Variants in RAD51B observed in about 807,000 individuals in gnomAD.
The protein encoded by RAD51B is RAD51 paralog B.
RAD51B carries 38 observed loss-of-function variants against 42.2 expected under a neutral mutation model. The observed-to-expected ratio is 0.90, with a 90% CI of 0.70 to 1.18. The LOEUF is 1.18. RAD51B is among the 50% of genes most tolerant of loss of function. The pLI is 0.00. For missense variants in RAD51B, 373 were observed against 400.7 expected, an observed-to-expected ratio of 0.93 and a Z score of 0.59; for synonymous variants, 154 against 145.2, an observed-to-expected ratio of 1.06 and a Z score of -0.43.
intron 10 of RAD51B, among the ~76,000 whole-genome samples, chr14:68,519,509 C>G (rs1886421010): frequency 6.6e-6 from 1 of 152,206 alleles, no homozygotes; most frequent in Admixed American, 6.5e-5. Context: ...GAATGGACAG[C>G]TGTTTTCTCT....
chr14:67,873,164 G>T (rs1408097684), intron 5 of RAD51B, among the ~76,000 whole-genome samples: 1 of 152,116 alleles, frequency 6.6e-6, no homozygotes, highest in African/African-American at 2.4e-5. Flanking sequence ...CCTAAAAAAT[G>T]GGAGAAAATT....
intron 8 of RAD51B, among the ~76,000 whole-genome samples, chr14:68,296,220 T>A (rs1461126999): frequency 3.3e-5 from 5 of 152,328 alleles, no homozygotes; most frequent in East Asian, 1.9e-4. Context: ...TGGAAAAGAC[T>A]GTAGCAATCT....
In RAD51B at chr14:67,860,873, G is replaced by T. The variant is rs572596345; in HGVS notation, c.316-4130G>T. Among the ~76,000 whole-genome samples, 18 of 152,262 alleles carry T rather than the reference G, an allele frequency of 1.2e-4. 1 individual carries two copies. In the South Asian group the frequency reaches 3.7e-3, roughly 32 times the overall value. Reference sequence around the variant, plus strand: ...TATGCAAAGAGAGTATTTCAGTATGGTATTAATGTTGTTAATTTTTCTTAA... The same window carrying T: ...TATGCAAAGAGAGTATTTCAGTATGTTATTAATGTTGTTAATTTTTCTTAA... On this transcript the variant is annotated intron_variant, in intron 4 of 10. Transcript: ENST00000471583.
At chr14:67,997,094 A>G (rs2075398029) in intron 7 of RAD51B, among the ~76,000 whole-genome samples, 1 of 152,178 alleles carries the variant, frequency 6.6e-6, no homozygotes, top group Non-Finnish European at 1.5e-5. Flanking sequence ...TAACTTTGAG[A>G]TGTATGTTAG....
chr14:68,473,502 C>T (rs1379442952), intron 10 of RAD51B, among the ~76,000 whole-genome samples: 1 of 152,182 alleles, frequency 6.6e-6, no homozygotes, highest in Non-Finnish European at 1.5e-5. Context: ...CATCCCCTCC[C>T]TCCATGACAT....
intron 8 of RAD51B, among the ~76,000 whole-genome samples, chr14:68,348,548 C>T (rs1451535154): frequency 6.6e-6 from 1 of 152,240 alleles, no homozygotes; most frequent in African/African-American, 2.4e-5. Flanking sequence ...CACTTGGGAG[C>T]TCATAGGCAT....
chr14:68,370,894 G>A (rs755019892), intron 8 of RAD51B, among the ~76,000 whole-genome samples: 15 of 151,388 alleles, frequency 9.9e-5, no homozygotes, highest in Non-Finnish European at 1.9e-4. Flanking sequence ...AAAATTAGCC[G>A]GACGTGGTGG....
chr14:68,071,135 C>T (rs962079845), intron 7 of RAD51B, among the ~76,000 whole-genome samples: 11 of 151,636 alleles, frequency 7.3e-5, no homozygotes, highest in African/African-American at 2.4e-4. Flanking sequence ...GAAACTTTGC[C>T]GAAGTTATTT....
At chr14:68,036,625 TG>T (rs2076127078) in intron 7 of RAD51B, among the ~76,000 whole-genome samples, 1 of 152,160 alleles carries the variant, frequency 6.6e-6, no homozygotes, top group Non-Finnish European at 1.5e-5. Flanking sequence ...ATTGAGAATT[TG>T]GGGGAAATTA....
At position 68,619,478 on chromosome 14, in the gene RAD51B, A is replaced by G. The variant is rs539519227; in HGVS notation, c.1037-31303A>G. 4.6e-5 allele frequency among the ~76,000 whole-genome samples: 7 copies of G among 152,226 alleles called. No individual in the cohort carries two copies. The South Asian group carries it at 1.5e-3, about 32-fold the overall frequency. On this transcript the variant is annotated intron_variant, in intron 10 of 11. Transcript: ENST00000488612. ...CTCCATCTCAAAAAAAAAAAGAAAA[A>G]AAAAAGTTAAAAGATAGAGATTTTA... is the stretch of plus-strand genomic sequence containing the variant.
chr14:68,093,444 C>T (rs1286467591), intron 7 of RAD51B, among the ~76,000 whole-genome samples: 2 of 152,086 alleles, frequency 1.3e-5, no homozygotes, highest in African/African-American at 4.8e-5. Context: ...TGTATGTGTC[C>T]AGGAATTTAT....
At chr14:68,144,648 C>T (rs2078212792) in intron 7 of RAD51B, among the ~76,000 whole-genome samples, 1 of 152,100 alleles carries the variant, frequency 6.6e-6, no homozygotes, top group African/African-American at 2.4e-5. Context: ...CAGTGCCAAC[C>T]CACATTTCTG....
intron 7 of RAD51B, among the ~76,000 whole-genome samples, chr14:68,057,084 C>T (rs1595336246): frequency 6.8e-6 from 1 of 146,864 alleles, no homozygotes; most frequent in Admixed American, 6.8e-5. Flanking sequence ...AGTGAAACTC[C>T]GTCTCAAAAA....
At chr14:68,002,379 T>C (rs1470312777) in intron 7 of RAD51B, among the ~76,000 whole-genome samples, 1 of 152,124 alleles carries the variant, frequency 6.6e-6, no homozygotes, top group East Asian at 1.9e-4. Flanking sequence ...TACTTTTTAA[T>C]GTTTTTTTTT....
intron 7 of RAD51B, among the ~76,000 whole-genome samples, chr14:68,250,316 G>A (rs915038920): frequency 2.0e-5 from 3 of 152,122 alleles, no homozygotes; most frequent in Admixed American, 6.5e-5. Flanking sequence ...GCATTTTTAT[G>A]TGGATCTTCA....
Position 67,823,597 on chromosome 14 carries a change from T to C in RAD51B, c.54T>C (p.Arg18=). The change falls in exon 2 of 11, where the codon CGT becomes CGC. Residue 18 remains arginine (R), a synonymous_variant. Coordinates refer to ENST00000471583, the MANE Select transcript of RAD51B (RefSeq NM_133510.4). ...RVGLSQELCD[R]LSRHQILTCQ... is the part of the protein sequence containing the mutation. ...GTTTATCACAAGAGCTGTGTGACCG[T>C]CTGAGTAGACATCAGATCCTTACCT... The C allele has an allele frequency of 6.2e-7, 1 of 1,613,836 alleles. No homozygotes were observed. The highest frequency in any genetic ancestry group is 8.5e-7 in the Non-Finnish European group (1 of 1,179,870).
intron 4 of RAD51B, among the ~76,000 whole-genome samples, chr14:67,855,319 C>A (rs1025033356): frequency 1.3e-5 from 2 of 151,980 alleles, no homozygotes; most frequent in Non-Finnish European, 2.9e-5. Context: ...TAAGCTCCGC[C>A]TCCCGGGTTC....
intron 7 of RAD51B, among the ~76,000 whole-genome samples, chr14:68,038,003 A>G (rs1213848490): frequency 2.6e-5 from 4 of 152,212 alleles, no homozygotes; most frequent in African/African-American, 7.2e-5. Flanking sequence ...AACTTTTCCA[A>G]GGGATCAAGC....
chr14:68,451,769 G>A, intron 9 of RAD51B, among the ~76,000 whole-genome samples: 1 of 152,204 alleles, frequency 6.6e-6, no homozygotes, highest in Non-Finnish European at 1.5e-5. Flanking sequence ...CAGGGATGTG[G>A]TACATTACAC....
Sources: gnomAD v4.1 joint callset for allele counts (sites outside exome capture counted in the v4.1 genomes callset) on GRCh38, gnomAD v4.1.1 for gene constraint, MANE v1.5 for transcripts, NCBI Gene and HGNC (gene_info 2026-07-23, HGNC 2026-07-21) for gene names.